Variants in PLEKHA5 observed in about 807,000 individuals in gnomAD.
The protein encoded by PLEKHA5 is pleckstrin homology domain-containing family A member 5.
In PLEKHA5, 55 loss-of-function variants were observed where a neutral mutation model predicts 181.9. The observed-to-expected ratio is 0.30, with a 90% CI of 0.24 to 0.38. PLEKHA5 has a LOEUF of 0.38. PLEKHA5 is among the 10% of genes least tolerant of loss of function. The pLI is 1.00. For missense variants in PLEKHA5, 1,432 were observed against 1,549.5 expected, an observed-to-expected ratio of 0.92 and a Z score of 1.27; for synonymous variants, 535 against 529.4, an observed-to-expected ratio of 1.01 and a Z score of -0.15.
chr12:19,162,451 A>G (rs528691851), intron 3 of PLEKHA5, among the ~76,000 whole-genome samples: 8 of 152,298 alleles, frequency 5.3e-5, no homozygotes, highest in Admixed American at 3.9e-4. Context: ...CATTAATTTT[A>G]GATATTCTCT....
At chr12:19,317,411 T>G (rs2089264034) in intron 16 of PLEKHA5, among the ~76,000 whole-genome samples, 1 of 152,010 alleles carries the variant, frequency 6.6e-6, no homozygotes, top group South Asian at 2.1e-4. Context: ...CAGTTACATT[T>G]TAGGACCATA....
Position 19,283,315 on chromosome 12 carries a change from C to T in PLEKHA5, c.1349C>T (p.Pro450Leu), listed in dbSNP as rs202080352. 6.2e-7 allele frequency: 1 copy of T among 1,611,824 alleles called. No individual in the cohort carries two copies. The highest frequency in any genetic ancestry group is 2.2e-5 in the East Asian group (1 of 44,842). Reference sequence around the variant, plus strand: ...TACCAAACATTACCAAGAAATATGCCAAGTCACAGAGCCCAGATTATGGCC... The same window carrying T: ...TACCAAACATTACCAAGAAATATGCTAAGTCACAGAGCCCAGATTATGGCC... ...ISYQTLPRNM[P>L]SHRAQIMARY... is the part of the protein sequence containing the mutation. The change falls in exon 12 of 32, where the codon CCA becomes CTA. Residue 450 changes from proline (P) to leucine (L), a missense_variant. Physicochemically the swap from Pro to Leu is moderately conservative, Grantham distance 98. Around this residue, in one of 2 missense-constraint regions of PLEKHA5, gnomAD observed 1,143 missense variants for 1,168.4 expected, o/e 0.98. Transcript: ENST00000429027.
At chr12:19,305,511 A>G (rs1430272260) in intron 15 of PLEKHA5, among the ~76,000 whole-genome samples, 2 of 151,042 alleles carry the variant, frequency 1.3e-5, no homozygotes, top group Non-Finnish European at 2.9e-5. Flanking sequence ...CAGTGAGCCA[A>G]GATGGCACTG....
At chr12:19,201,388 T>G (rs1019975480) in intron 3 of PLEKHA5, 6 of 152,058 alleles carry the variant, frequency 3.9e-5, no homozygotes, top group Non-Finnish European at 7.4e-5. Context: ...ACACTAGTAA[T>G]AGAAATATAA....
intron 8 of PLEKHA5, among the ~76,000 whole-genome samples, chr12:19,268,868 A>C (rs2071501347): frequency 2.0e-5 from 3 of 152,270 alleles, no homozygotes; most frequent in Admixed American, 1.3e-4. Context: ...ACATTTGAGT[A>C]GTTTATTAAG....
intron 3 of PLEKHA5, among the ~76,000 whole-genome samples, chr12:19,181,512 C>T (rs748496445): frequency 7.9e-5 from 12 of 152,112 alleles, no homozygotes; most frequent in Non-Finnish European, 1.3e-4. Context: ...TGGTGGCTAA[C>T]GCCTGTAATC....
chr12:19,150,610 A>G (rs779006730), intron 3 of PLEKHA5: 1 of 152,222 alleles, frequency 6.6e-6, no homozygotes, highest in Non-Finnish European at 1.5e-5. Context: ...TGTTCTTAGG[A>G]AATGCTCAAT....
intron 3 of PLEKHA5, among the ~76,000 whole-genome samples, chr12:19,165,437 AT>A (rs34453037): frequency 2.8e-4 from 40 of 144,984 alleles, no homozygotes; most frequent in African/African-American, 8.3e-4. Context: ...TGTGTACTCT[AT>A]TTTTTTTTTT....
chr12:19,205,140 T>C (rs1478269104), intron 3 of PLEKHA5: 1 of 152,212 alleles, frequency 6.6e-6, no homozygotes, highest in Non-Finnish European at 1.5e-5. Flanking sequence ...GGTAGTTCTG[T>C]ATAGTTTATT....
intron 21 of PLEKHA5, among the ~76,000 whole-genome samples, chr12:19,341,199 C>T (rs1302762562): frequency 2.0e-5 from 3 of 152,222 alleles, no homozygotes; most frequent in South Asian, 2.1e-4. Context: ...ATTGCTTGAA[C>T]CCAAGAGGCA....
chr12:19,131,797 T>C (rs1333060713), intron 2 of PLEKHA5, among the ~76,000 whole-genome samples: 2 of 152,200 alleles, frequency 1.3e-5, no homozygotes, highest in African/African-American at 2.4e-5. Flanking sequence ...TAATAATATG[T>C]AGCACATAAT....
At chr12:19,166,330 T>C (rs1280724090) in intron 3 of PLEKHA5, among the ~76,000 whole-genome samples, 2 of 152,230 alleles carry the variant, frequency 1.3e-5, no homozygotes, top group African/African-American at 4.8e-5. Context: ...TATTTAAACG[T>C]GTCGTGGTTC....
At chr12:19,223,000 CTTTTT>C (rs62719560) in intron 3 of PLEKHA5, among the ~76,000 whole-genome samples, 2 of 128,926 alleles carry the variant, frequency 1.6e-5, no homozygotes. Flanking sequence ...GAAATTTTGT[CTTTTT>C]TTTTTTTTTT....
intron 3 of PLEKHA5, among the ~76,000 whole-genome samples, chr12:19,163,693 T>G (rs565431458): frequency 6.8e-4 from 103 of 151,714 alleles, no homozygotes; most frequent in African/African-American, 2.4e-3. Context: ...TATCTATCTA[T>G]CTCTTTCCTG....
At chr12:19,207,495 A>G (rs1451743331) in intron 3 of PLEKHA5, 2 of 152,136 alleles carry the variant, frequency 1.3e-5, no homozygotes, top group African/African-American at 2.4e-5. Flanking sequence ...TTAACTTAAC[A>G]TCTACCCATT....
intron 3 of PLEKHA5, among the ~76,000 whole-genome samples, chr12:19,137,680 C>G (rs1335208799): frequency 6.6e-6 from 1 of 152,158 alleles, no homozygotes; most frequent in Non-Finnish European, 1.5e-5. Flanking sequence ...TTGTTGTTGT[C>G]TCTTTCGTTT....
chr12:19,358,625 A>G (rs1217967070), intron 27 of PLEKHA5, among the ~76,000 whole-genome samples, 188 bp downstream of exon 27: 1 of 152,218 alleles, frequency 6.6e-6, no homozygotes, highest in Admixed American at 6.6e-5. Context: ...TCAAGAGACC[A>G]GAGCTAAACT....
chr12:19,277,946 G>T (rs1289673474), intron 11 of PLEKHA5, among the ~76,000 whole-genome samples: 1 of 152,182 alleles, frequency 6.6e-6, no homozygotes, highest in African/African-American at 2.4e-5. Context: ...TTGACAGGCA[G>T]CTGCTGGCCA....
intron 15 of PLEKHA5, among the ~76,000 whole-genome samples, chr12:19,302,469 C>T (rs938814522): frequency 7.2e-5 from 11 of 152,304 alleles, no homozygotes; most frequent in African/African-American, 2.2e-4. Context: ...GATTTTGGCT[C>T]ACTGCAACCT....
Sources: allele counts gnomAD v4.1 joint callset (sites outside exome capture counted in the v4.1 genomes callset), GRCh38; gene constraint gnomAD v4.1.1; regional missense constraint gnomAD v4.1.1; transcripts MANE v1.5; gene names NCBI Gene and HGNC (gene_info 2026-07-23, HGNC 2026-07-21).